The following PPP3CC variants were observed in gnomAD, a reference collection of about 807,000 sequenced individuals.
PPP3CC encodes the protein protein phosphatase 3 catalytic subunit gamma.
A neutral mutation model predicts 60.3 loss-of-function variants in PPP3CC; 35 were observed. The observed-to-expected ratio is 0.58, with a 90% confidence interval of 0.44 to 0.77. The LOEUF is 0.77. Ranked by LOEUF, PPP3CC falls within the 30% of genes least tolerant of loss-of-function variation. The pLI is 0.00. For missense variants in PPP3CC, 570 were observed against 628.9 expected (o/e 0.91, Z 1.00); for synonymous variants, 206 against 224.3 (o/e 0.92, Z 0.73).
intron 1 of PPP3CC, among the ~76,000 whole-genome samples, chr8:22,444,039 A>C (rs1209070409): frequency 1.3e-5 from 2 of 152,204 alleles, no homozygotes; most frequent in African/African-American, 4.8e-5. Flanking sequence ...TTTGGAGAAG[A>C]GTGGGTATGT....
chr8:22,502,213 C>T (rs963249422), intron 4 of PPP3CC, among the ~76,000 whole-genome samples: 1 of 152,032 alleles, frequency 6.6e-6, no homozygotes, highest in African/African-American at 2.4e-5. Flanking sequence ...TTTTAGAATT[C>T]GTCTACCACA....
intron 1 of PPP3CC, among the ~76,000 whole-genome samples, chr8:22,443,927 G>A (rs1320205401): frequency 6.6e-6 from 1 of 152,168 alleles, no homozygotes; most frequent in African/African-American, 2.4e-5. Flanking sequence ...TTTATTCACA[G>A]CTTGAAAGCT....
chr8:22,476,995 G>T (rs887756755), intron 3 of PPP3CC, among the ~76,000 whole-genome samples: 1 of 151,084 alleles, frequency 6.6e-6, no homozygotes, highest in African/African-American at 2.4e-5. Context: ...AGTGTCAAAT[G>T]TGAGGACAAA....
intron 3 of PPP3CC, among the ~76,000 whole-genome samples, chr8:22,484,958 T>G (rs555217431): frequency 7.9e-5 from 12 of 152,272 alleles, no homozygotes; most frequent in African/African-American, 2.9e-4. Context: ...TTGTAGTGAG[T>G]CATTCTTTGA....
At chr8:22,498,686 G>A (rs1425212075) in intron 4 of PPP3CC, among the ~76,000 whole-genome samples, 1 of 152,092 alleles carries the variant, frequency 6.6e-6, no homozygotes, top group Non-Finnish European at 1.5e-5. Flanking sequence ...AACATGGTTT[G>A]TAAGTGTTAT....
chr8:22,450,694 A>G (rs140781067), intron 1 of PPP3CC, among the ~76,000 whole-genome samples: 187 of 152,258 alleles, frequency 1.2e-3, no homozygotes, highest in Non-Finnish European at 2.2e-3. Context: ...TGCCTGTGGG[A>G]TAAACTCTTT....
intron 1 of PPP3CC, among the ~76,000 whole-genome samples, chr8:22,467,304 C>T (rs1008390027): frequency 5.3e-5 from 8 of 152,010 alleles, no homozygotes; most frequent in Non-Finnish European, 1.5e-5. Context: ...AGTAGCAATT[C>T]AATAAAATTA....
chr8:22,488,666 T>G (rs1306168444), intron 3 of PPP3CC, among the ~76,000 whole-genome samples: 1 of 152,186 alleles, frequency 6.6e-6, no homozygotes, highest in Non-Finnish European at 1.5e-5. Flanking sequence ...ATGTATTTGT[T>G]TACCATCCAT....
intron 1 of PPP3CC, among the ~76,000 whole-genome samples, chr8:22,459,118 G>T (rs1436465802): frequency 6.6e-6 from 1 of 151,686 alleles, no homozygotes; most frequent in Non-Finnish European, 1.5e-5. Context: ...CCAGGCTGGA[G>T]TATAGTGGTG....
chr8:22,525,564 TTC>T (rs908799727), intron 8 of PPP3CC, among the ~76,000 whole-genome samples: 11 of 141,624 alleles, frequency 7.8e-5, no homozygotes, highest in East Asian at 2.0e-4. Flanking sequence ...CTCTCTTTCT[TTC>T]TCTCTCTCTC....
At chr8:22,510,792 G>C in intron 4 of PPP3CC, 1 of 285,370 alleles carries the variant, frequency 3.5e-6, no homozygotes, top group East Asian at 6.8e-5. Flanking sequence ...AGGTAACTGG[G>C]TAATTTTTAC....
chr8:22,495,966 C>A (rs1203595379), intron 3 of PPP3CC, among the ~76,000 whole-genome samples: 1 of 152,168 alleles, frequency 6.6e-6, no homozygotes, highest in African/African-American at 2.4e-5. Flanking sequence ...TCACCTACAC[C>A]AGGCTTAAGA....
At chr8:22,441,648 C>T (rs1836675185) in intron 1 of PPP3CC, among the ~76,000 whole-genome samples, 190 bp downstream of exon 1, 1 of 152,126 alleles carries the variant, frequency 6.6e-6, no homozygotes, top group African/African-American at 2.4e-5. Flanking sequence ...TGCACCTGGT[C>T]AGGTGCCTGG....
chr8:22,517,995 T>G (rs1402167407), intron 6 of PPP3CC, among the ~76,000 whole-genome samples: 1 of 152,018 alleles, frequency 6.6e-6, no homozygotes, highest in Non-Finnish European at 1.5e-5. Flanking sequence ...ACTATAAACT[T>G]TCCTGTAGGT....
At position 22,525,783 on chromosome 8, in the gene PPP3CC, C is replaced by T. The variant is rs151232898; in HGVS notation, c.944-1609C>T. On this transcript the variant is annotated intron_variant, in intron 8 of 13. Transcript: ENST00000240139. Reference sequence around the variant, plus strand: ...TTATGTTGCCCAGACTGGTCTCAAACTCCTGAGCTTAAGCAGTCCTCCTGC... The same window carrying T: ...TTATGTTGCCCAGACTGGTCTCAAATTCCTGAGCTTAAGCAGTCCTCCTGC... 7.8e-3 allele frequency among the ~76,000 whole-genome samples: 1,185 copies of T among 151,690 alleles called. 12 individuals are homozygous for T. The highest frequency in any genetic ancestry group is 0.011 in the Non-Finnish European group (764 of 67,948).
intron 1 of PPP3CC, among the ~76,000 whole-genome samples, chr8:22,468,011 A>G (rs902744253): frequency 2.6e-5 from 4 of 152,124 alleles, no homozygotes; most frequent in Non-Finnish European, 5.9e-5. Flanking sequence ...TCTTAATACC[A>G]CCATGTTGGG....
At chr8:22,449,306 A>G (rs1424084857) in intron 1 of PPP3CC, among the ~76,000 whole-genome samples, 1 of 151,792 alleles carries the variant, frequency 6.6e-6, no homozygotes, top group Non-Finnish European at 1.5e-5. Flanking sequence ...AAAATTAGCC[A>G]GGTGTGGTGG....
intron 3 of PPP3CC, among the ~76,000 whole-genome samples, chr8:22,481,650 T>G (rs1838072950): frequency 6.6e-6 from 1 of 151,944 alleles, no homozygotes; most frequent in Non-Finnish European, 1.5e-5. Flanking sequence ...TCCATCAACC[T>G]GTCATCTACA....
chr8:22,452,312 G>A (rs1257693167), intron 1 of PPP3CC, among the ~76,000 whole-genome samples: 3 of 152,114 alleles, frequency 2.0e-5, no homozygotes, highest in African/African-American at 7.2e-5. Flanking sequence ...GGGATTACAG[G>A]CATGAGCCAC....
Sources: gnomAD v4.1 joint callset for allele counts (sites outside exome capture counted in the v4.1 genomes callset) on GRCh38, gnomAD v4.1.1 for gene constraint, MANE v1.5 for transcripts, NCBI Gene and HGNC (gene_info 2026-07-23, HGNC 2026-07-21) for gene names.